PRDM5: variants seen among roughly 807,000 people sequenced by gnomAD.
PRDM5 encodes the protein PR/SET domain 5.
In PRDM5, 56 loss-of-function variants were observed where a neutral mutation model predicts 81.2. That is an observed-to-expected ratio of 0.69 (90% CI 0.56 to 0.86). The LOEUF (loss-of-function observed/expected upper bound fraction) is 0.86, where lower values mean the gene tolerates loss of function less well. Ranked by LOEUF, PRDM5 falls within the 40% of genes least tolerant of loss-of-function variation. The pLI, the probability that PRDM5 is intolerant of heterozygous loss-of-function variation, is 0.00. For synonymous variants in PRDM5, 267 were observed against 256.4 expected (o/e 1.04, Z -0.39); for missense variants, 697 against 770.1 (o/e 0.91, Z 1.12).
At chr4:120,789,249 A>C (rs74863522) in intron 10 of PRDM5, among the ~76,000 whole-genome samples, 1 of 152,314 alleles carries the variant, frequency 6.6e-6, no homozygotes, top group African/African-American at 2.4e-5. Flanking sequence ...ACTATTTATA[A>C]CACCTACTAG....
chr4:120,885,875 A>T (rs1763385249), intron 2 of PRDM5: 1 of 152,172 alleles, frequency 6.6e-6, no homozygotes, highest in African/African-American at 2.4e-5. Context: ...CCAATAACAC[A>T]AAAGTTATGT....
chr4:120,714,454 TTC>T (rs1265431506), intron 14 of PRDM5, among the ~76,000 whole-genome samples: 1 of 152,166 alleles, frequency 6.6e-6, no homozygotes, highest in Non-Finnish European at 1.5e-5. Flanking sequence ...GGCTTTTAAT[TTC>T]TGTTATCATA....
chr4:120,824,048 G>C (rs1474971264), intron 3 of PRDM5, among the ~76,000 whole-genome samples: 1 of 152,180 alleles, frequency 6.6e-6, no homozygotes, highest in Admixed American at 6.5e-5. Context: ...GGAGCCTGAA[G>C]CCATCACCAG....
chr4:120,884,157 G>T (rs756427820), intron 2 of PRDM5, among the ~76,000 whole-genome samples: 11 of 151,832 alleles, frequency 7.2e-5, no homozygotes, highest in Admixed American at 4.6e-4. Context: ...ATTTATATAG[G>T]GATCCCATTG....
At position 120,820,610 on chromosome 4, in the gene PRDM5, A is replaced by G. The variant is rs559934944; in HGVS notation, c.475+561T>C. 2.0e-5 allele frequency among the ~76,000 whole-genome samples: 3 copies of G among 152,320 alleles called. No homozygotes were observed. The South Asian group carries it at 6.2e-4, about 32-fold the overall frequency. On this transcript the variant is annotated intron_variant, in intron 4 of 15. Transcript: ENST00000264808. ...CTACGGTCACTGAAAGTTTTTGGTA[A>G]CCACACTAGGGCAACCTAGCAATCC...
intron 2 of PRDM5, among the ~76,000 whole-genome samples, chr4:120,900,188 T>C (rs933237603): frequency 3.9e-5 from 6 of 152,126 alleles, no homozygotes; most frequent in Non-Finnish European, 8.8e-5. Context: ...TATTAGTCAC[T>C]AGTATATCAA....
chr4:120,829,084 A>G (rs2149364896), intron 3 of PRDM5, among the ~76,000 whole-genome samples: 1 of 152,216 alleles, frequency 6.6e-6, no homozygotes, highest in Admixed American at 6.5e-5. Flanking sequence ...TCACCCTACT[A>G]AAGCAAAGCA....
intron 14 of PRDM5, among the ~76,000 whole-genome samples, chr4:120,713,215 T>C (rs1737258003): frequency 6.6e-6 from 1 of 152,194 alleles, no homozygotes; most frequent in Admixed American, 6.5e-5. Flanking sequence ...GTAATAATTC[T>C]TTTTTACCTT....
chr4:120,803,508 T>C (rs1193455098), intron 8 of PRDM5, among the ~76,000 whole-genome samples: 1 of 152,204 alleles, frequency 6.6e-6, no homozygotes, highest in African/African-American at 2.4e-5. Flanking sequence ...AGTGGATCTC[T>C]TGGCAGAAAC....
At position 120,852,753 on chromosome 4, in the gene PRDM5, T is replaced by A. The variant is rs1405101990; in HGVS notation, c.300+665A>T. The stretch of plus-strand genomic sequence containing the variant: ...TATATACACACAACCATATATATAT[T>A]TTTATATATTTTTTATATTAAAAAA... On this transcript the variant is annotated intron_variant, in intron 3 of 15. Coordinates refer to ENST00000264808, the MANE Select transcript of PRDM5 (RefSeq NM_018699.4). Among the ~76,000 whole-genome samples, 6 of 149,886 alleles carry A rather than the reference T, an allele frequency of 4.0e-5. 1 individual carries two copies. The highest frequency in any genetic ancestry group is 3.9e-4 in the East Asian group (2 of 5,160).
intron 15 of PRDM5, among the ~76,000 whole-genome samples, chr4:120,700,627 C>A (rs1000148469): frequency 6.6e-6 from 1 of 152,030 alleles, no homozygotes; most frequent in African/African-American, 2.4e-5. Flanking sequence ...TTAAAAAATG[C>A]AACTAATATC....
intron 14 of PRDM5, among the ~76,000 whole-genome samples, chr4:120,715,149 G>A (rs367594771): frequency 6.6e-6 from 1 of 152,066 alleles, no homozygotes; most frequent in East Asian, 1.9e-4. Context: ...ATCAAGTCTT[G>A]AGATTACCCT....
At chr4:120,842,250 T>C (rs1391229813) in intron 3 of PRDM5, among the ~76,000 whole-genome samples, 1 of 152,194 alleles carries the variant, frequency 6.6e-6, no homozygotes, top group East Asian at 1.9e-4. Context: ...CACATACAAG[T>C]ACATACTCAG....
intron 14 of PRDM5, among the ~76,000 whole-genome samples, chr4:120,745,830 T>C (rs1742904341): frequency 6.8e-6 from 1 of 146,984 alleles, no homozygotes; most frequent in Non-Finnish European, 1.5e-5. Flanking sequence ...GTAGGAAGAA[T>C]CAATATCGTG....
chr4:120,754,715 C>T, intron 13 of PRDM5, 77 bp from the exon 14 acceptor site: 2 of 1,039,018 alleles, frequency 1.9e-6, no homozygotes, highest in Non-Finnish European at 3.0e-6. Context: ...TTCTCACACA[C>T]TCAGATCCTG....
intron 2 of PRDM5, among the ~76,000 whole-genome samples, chr4:120,888,681 T>C (rs1230848239): frequency 1.3e-5 from 2 of 152,210 alleles, no homozygotes; most frequent in East Asian, 1.9e-4. Context: ...TACCACTAGA[T>C]AGATTTCCAA....
At chr4:120,801,381 G>T (rs1752097515) in intron 8 of PRDM5, among the ~76,000 whole-genome samples, 2 of 152,236 alleles carry the variant, frequency 1.3e-5, no homozygotes, top group Non-Finnish European at 2.9e-5. Context: ...AGATGCAGGG[G>T]CAAGGCTGAC....
At chr4:120,858,310 T>C (rs769987707) in intron 2 of PRDM5, among the ~76,000 whole-genome samples, 1 of 152,148 alleles carries the variant, frequency 6.6e-6, no homozygotes, top group Non-Finnish European at 1.5e-5. Flanking sequence ...ATGCCTTGCC[T>C]TCAGTGTTTA....
intron 14 of PRDM5, among the ~76,000 whole-genome samples, chr4:120,741,370 T>C (rs180728794): frequency 1.3e-5 from 2 of 151,952 alleles, no homozygotes; most frequent in Non-Finnish European, 2.9e-5. Flanking sequence ...CTCACTCACA[T>C]GGTTCATCAG....
Sources: gnomAD v4.1 joint callset for allele counts (sites outside exome capture counted in the v4.1 genomes callset) on GRCh38, gnomAD v4.1.1 for gene constraint, MANE v1.5 for transcripts, NCBI Gene and HGNC (gene_info 2026-07-23, HGNC 2026-07-21) for gene names.